SV2B: variants seen among roughly 807,000 people sequenced by gnomAD.
The protein encoded by SV2B is synaptic vesicle glycoprotein 2B.
SV2B carries 41 observed loss-of-function variants against 73.9 expected under a neutral mutation model. That is an observed-to-expected ratio of 0.56 (90% CI 0.43 to 0.72). The LOEUF is 0.72. SV2B is among the 30% of genes least tolerant of loss of function. SV2B has a pLI of 0.00. For missense variants in SV2B, 764 were observed against 857.8 expected, an observed-to-expected ratio of 0.89 and a Z score of 1.37; for synonymous variants, 314 against 314.2, an observed-to-expected ratio of 1.00 and a Z score of 0.01.
At chr15:91,256,240 C>G (rs913350851) in intron 4 of SV2B, among the ~76,000 whole-genome samples, 5 of 152,068 alleles carry the variant, frequency 3.3e-5, no homozygotes, top group African/African-American at 1.2e-4. Flanking sequence ...TAATATTGTT[C>G]CAAATATTTG....
rs146252262 is a variant in SV2B, at chr15:91,267,585, G to T, written c.1150G>T (p.Gly384Trp). Residue 384 changes from glycine (G) to tryptophan (W), a missense_variant, in exon 8 of 13, where the codon GGG becomes TGG. Physicochemically the swap from Gly to Trp is radical, Grantham distance 184. Transcript: ENST00000394232. This position sits in a 1 kb window ranked among gnomAD's most constrained non-coding sequence, Gnocchi z 4.3. ...GGATAATGCCCTGTACTGTGTGATGGGGCCCTACAGAATGAATACACTGAT... is the reference window on the plus strand; with the variant it reads ...GGATAATGCCCTGTACTGTGTGATGTGGCCCTACAGAATGAATACACTGAT... ...VWDNALYCVMGPYRMNTLILA... is the reference protein window; with the variant it reads ...VWDNALYCVMWPYRMNTLILA... 1.1e-3 allele frequency: 1,727 copies of T among 1,613,384 alleles called. 2 individuals are homozygous for T. The highest frequency in any genetic ancestry group is 1.4e-3 in the Non-Finnish European group (1,612 of 1,179,688).
Position 91,220,217 on chromosome 15 carries a change from C to T in SV2B, c.-391-5656C>T, listed in dbSNP as rs918198307. On this transcript the variant is annotated intron_variant, in intron 1 of 12. Transcript: ENST00000394232. The surrounding 1 kb of genome is among the most constrained non-coding windows in gnomAD (Gnocchi z 4.1). ...GCTTCCAAAGGCTATTTTACATGCC[C>T]ACTGTCAGTTTCTGAGGGTTCCAGT... Among the ~76,000 whole-genome samples the T allele has an allele frequency of 3.9e-5, 6 of 152,186 alleles. No individual in the cohort carries two copies. The highest frequency in any genetic ancestry group is 1.2e-4 in the African/African-American group (5 of 41,434).
At chr15:91,198,914 G>A (rs1299668869) in intron 1 of SV2B, among the ~76,000 whole-genome samples, 1 of 152,216 alleles carries the variant, frequency 6.6e-6, no homozygotes, top group Non-Finnish European at 1.5e-5. Flanking sequence ...AGAATCTCCT[G>A]TGTGTGGTTT....
intron 1 of SV2B, among the ~76,000 whole-genome samples, chr15:91,112,646 A>G (rs114025792): frequency 0.011 from 1,697 of 152,334 alleles, 31 homozygotes; most frequent in African/African-American, 0.039. Context: ...CCTGGATTAT[A>G]TAGTTCTACC....
intron 1 of SV2B, among the ~76,000 whole-genome samples, chr15:91,190,086 A>G (rs2141347458): frequency 2.0e-5 from 3 of 152,228 alleles, no homozygotes; most frequent in Middle Eastern, 6.8e-3. Flanking sequence ...TTTTCTTGTT[A>G]GTTATTGCTG....
intron 10 of SV2B, among the ~76,000 whole-genome samples, chr15:91,282,932 A>G (rs945858875): frequency 6.6e-6 from 1 of 152,186 alleles, no homozygotes; most frequent in Non-Finnish European, 1.5e-5. Flanking sequence ...AGAAACTGGC[A>G]TATTGTTTTA....
rs1157688728 is a variant in SV2B at position 91,220,149 on chromosome 15, T to C, written c.-391-5724T>C. Among the ~76,000 whole-genome samples, 1 of 152,220 alleles carries C rather than the reference T, an allele frequency of 6.6e-6. No individual in the cohort carries two copies. The highest frequency in any genetic ancestry group is 1.5e-5 in the Non-Finnish European group (1 of 68,024). On this transcript the variant is annotated intron_variant, in intron 1 of 12. Transcript: ENST00000394232. The surrounding 1 kb of genome is among the most constrained non-coding windows in gnomAD (Gnocchi z 4.1). ...TTCTCAGAATGGAACTGCTGGGTTA[T>C]TTGGTAAGTGTATGTTTGACATTTT...
At position 91,168,337 on chromosome 15, in the gene SV2B, A is replaced by C. The variant is rs2043995151; in HGVS notation, c.-391-57536A>C. Among the ~76,000 whole-genome samples, 3 of 151,826 alleles carry C rather than the reference A, an allele frequency of 2.0e-5. No individual in the cohort carries two copies. The South Asian group carries it at 6.2e-4, about 32-fold the overall frequency. On this transcript the variant is annotated intron_variant, in intron 1 of 12. Coordinates refer to ENST00000394232, the MANE Select transcript of SV2B (RefSeq NM_001323032.3). ...GAGAGAGAGAGAGAGAGAGAAAAGA[A>C]ATTTCTCACACACTCTTCAGACCAA...
At chr15:91,156,512 G>A (rs1179217457) in intron 1 of SV2B, among the ~76,000 whole-genome samples, 1 of 152,236 alleles carries the variant, frequency 6.6e-6, no homozygotes, top group Non-Finnish European at 1.5e-5. Flanking sequence ...ATCAGGAGCT[G>A]AAGCCAAGGG....
At chr15:91,171,500 G>C (rs2044120903) in intron 1 of SV2B, among the ~76,000 whole-genome samples, 1 of 152,178 alleles carries the variant, frequency 6.6e-6, no homozygotes, top group African/African-American at 2.4e-5. Context: ...CAGTGCAATA[G>C]ACTGCAGTGG....
intron 2 of SV2B, among the ~76,000 whole-genome samples, chr15:91,249,007 C>A (rs74040150): frequency 0.095 from 14,341 of 151,726 alleles, 1,468 homozygotes; most frequent in African/African-American, 0.25. Context: ...CATACACATA[C>A]ATGCAAACAC....
rs569799230 is a variant in SV2B, at chr15:91,105,940, T to G, written c.-392+5577T>G. On this transcript the variant is annotated intron_variant, in intron 1 of 12. Coordinates refer to ENST00000394232, the MANE Select transcript of SV2B (RefSeq NM_001323032.3). The surrounding 1 kb of genome is among the most constrained non-coding windows in gnomAD (Gnocchi z 5.5). ...GGCACATGCCTGTAGCCCTAGCTACTCGGGAGTCTGAGGTGGGAGGATCAC... is the reference window on the plus strand; with the variant it reads ...GGCACATGCCTGTAGCCCTAGCTACGCGGGAGTCTGAGGTGGGAGGATCAC... Among the ~76,000 whole-genome samples the G allele has an allele frequency of 3.3e-5, 5 of 152,202 alleles. No individual in the cohort carries two copies. In the East Asian group the frequency reaches 9.7e-4, roughly 29 times the overall value.
chr15:91,296,219 T>TC lies in SV2B; in HGVS notation c.*3671dup, dbSNP rs2049217955. ...GGGACATTGGTGAGTGGGGTAAGAA[T>TC]CCCCGTAGCCCTGGGAAAGGTGTCT... is the stretch of plus-strand genomic sequence containing the variant. On this transcript the variant is annotated 3_prime_UTR_variant, in exon 13 of 13. Transcript: ENST00000394232. The TC allele has an allele frequency of 6.6e-6, 1 of 152,176 alleles. No individual in the cohort carries two copies. Among genetic ancestry groups the TC allele is most frequent in the African/African-American group, 2.4e-5 (1 of 41,436 alleles). 9.4% of individuals were successfully genotyped at this position (152,176 alleles called of 1,614,324 possible).
rs1194653998 is a variant in SV2B, at chr15:91,226,259, A to G, written c.-5A>G. ...GGGGCAACCAGGCAGTCGCAGAACC[A>G]AGGAATGGATGACTACAAGTATCAG... is the stretch of plus-strand genomic sequence containing the variant. On this transcript the variant is annotated 5_prime_UTR_variant, in exon 2 of 13. Coordinates refer to ENST00000394232, the MANE Select transcript of SV2B (RefSeq NM_001323032.3). The G allele has an allele frequency of 6.2e-7, 1 of 1,613,922 alleles. No individual in the cohort carries two copies. Among genetic ancestry groups the G allele is most frequent in the African/African-American group, 1.3e-5 (1 of 74,926 alleles).
chr15:91,175,187 T>G (rs1469316815), intron 1 of SV2B, among the ~76,000 whole-genome samples: 1 of 152,232 alleles, frequency 6.6e-6, no homozygotes, highest in Non-Finnish European at 1.5e-5. Flanking sequence ...AATGAAAATT[T>G]TATCTCATTG....
rs2048664717 is a variant in SV2B, at chr15:91,280,975, A to G, written c.1374-753A>G. Among the ~76,000 whole-genome samples, 2 of 152,222 alleles carry G rather than the reference A, an allele frequency of 1.3e-5. No individual in the cohort carries two copies. The highest frequency in any genetic ancestry group is 2.9e-5 in the Non-Finnish European group (2 of 68,040). ...TTTTTAACTTAACAATATATCTTAA[A>G]GATTATTCCATATTAACACATATAG... On this transcript the variant is annotated intron_variant, in intron 9 of 12. Transcript: ENST00000394232. The surrounding 1 kb of genome is among the most constrained non-coding windows in gnomAD (Gnocchi z 5.8).
chr15:91,226,607 T>G lies in SV2B; in HGVS notation c.344T>G (p.Leu115Trp). Reference sequence around the variant, plus strand: ...TTCCAGTGGATCCTCTTTTTCGTCTTGGGTTTGGCCCTGATGGCCGATGGG... The same window carrying G: ...TTCCAGTGGATCCTCTTTTTCGTCTGGGGTTTGGCCCTGATGGCCGATGGG... ...GRFQWILFFVLGLALMADGVE... is the reference protein window; with the variant it reads ...GRFQWILFFVWGLALMADGVE... The change falls in exon 2 of 13, where the codon TTG becomes TGG. Residue 115 changes from leucine to tryptophan, a missense_variant. Coordinates refer to ENST00000394232, the MANE Select transcript of SV2B (RefSeq NM_001323032.3). 1 of 1,614,162 alleles carries G rather than the reference T, an allele frequency of 6.2e-7. No individual in the cohort carries two copies. Among genetic ancestry groups the G allele is most frequent in the East Asian group, 2.2e-5 (1 of 44,878 alleles).
At chr15:91,186,095 T>A (rs1003824224) in intron 1 of SV2B, among the ~76,000 whole-genome samples, 30 of 152,112 alleles carry the variant, frequency 2.0e-4, no homozygotes, top group Non-Finnish European at 2.9e-5. Flanking sequence ...AATAGGGGTG[T>A]GAATTTTGGC....
chr15:91,174,834 G>A (rs1596522601), intron 1 of SV2B, among the ~76,000 whole-genome samples: 1 of 152,356 alleles, frequency 6.6e-6, no homozygotes, highest in East Asian at 1.9e-4. Context: ...GGCATCCCCA[G>A]TGGGATTCAG....
Sources: allele counts gnomAD v4.1 joint callset (sites outside exome capture counted in the v4.1 genomes callset), GRCh38; gene constraint gnomAD v4.1.1; non-coding constraint Gnocchi (gnomAD v3.1); transcripts MANE v1.5; gene names NCBI Gene and HGNC (gene_info 2026-07-23, HGNC 2026-07-21).